SMARCA2: variants seen among roughly 807,000 people sequenced by gnomAD.
The protein encoded by SMARCA2 is SWI/SNF-related matrix-associated actin-dependent regulator of chromatin subfamily A member 2.
Under a neutral mutation model 199.8 loss-of-function variants are expected in SMARCA2, and 61 were observed. The observed-to-expected ratio is 0.31, with a 90% confidence interval of 0.25 to 0.38. The LOEUF (loss-of-function observed/expected upper bound fraction) is 0.38. Ranked by LOEUF, SMARCA2 falls within the 10% of genes least tolerant of loss-of-function variation. The pLI is 1.00. For synonymous variants in SMARCA2, 935 were observed against 732.0 expected (o/e 1.28, Z -4.48); for missense variants, 1,344 against 2,012.2 (o/e 0.67, Z 6.35).
At chr9:2,063,377 T>G (rs1305929440) in intron 9 of SMARCA2, among the ~76,000 whole-genome samples, 1 of 152,192 alleles carries the variant, frequency 6.6e-6, no homozygotes, top group Non-Finnish European at 1.5e-5. Flanking sequence ...CTTCCCTCCA[T>G]TGCAGTGAAT....
rs2129641411 is a variant in SMARCA2, at chr9:2,161,858, AGCAGATGAAC to A, written c.4157_4166del (p.Gln1386LeufsTer6). The A allele has an allele frequency of 6.2e-7, 1 of 1,614,134 alleles. No individual in the cohort carries two copies. Among genetic ancestry groups the A allele is most frequent in the Non-Finnish European group, 8.5e-7 (1 of 1,179,980 alleles). ...TCACCAAATCCCCCCAAACTGACAA[AGCAGATGAAC>A]GCTATCATCGATACTGTGATAAACT... On this transcript the variant is annotated frameshift_variant, in exon 28 of 34. Transcript: ENST00000349721. LOFTEE classifies it high-confidence loss of function. The surrounding 1 kb of genome is among the most constrained non-coding windows in gnomAD (Gnocchi z 4.7).
intron 12 of SMARCA2, 29 bp downstream of exon 12, chr9:2,073,652 T>C (rs985242990): frequency 6.4e-7 from 1 of 1,551,660 alleles, no homozygotes; most frequent in Admixed American, 1.7e-5. Context: ...TTGGGGTTTA[T>C]TGGTTTGAAA....
At chr9:2,041,329 A>G (rs181992210) in intron 4 of SMARCA2, 1 of 398,618 alleles carries the variant, frequency 2.5e-6, no homozygotes, top group Admixed American at 4.4e-5. Context: ...TATTTCTTAC[A>G]GCTCTGAATG....
intron 32 of SMARCA2, 124 bp downstream of exon 32, chr9:2,186,352 T>C (rs1827454216): frequency 9.6e-7 from 1 of 1,046,920 alleles, no homozygotes; most frequent in Non-Finnish European, 1.4e-6. Context: ...TTATTCCACT[T>C]TGTCCTTGCT....
intron 5 of SMARCA2, among the ~76,000 whole-genome samples, chr9:2,053,207 A>G (rs1378888032): frequency 2.0e-5 from 3 of 152,168 alleles, no homozygotes; most frequent in African/African-American, 7.2e-5. Context: ...CTGCCACTTA[A>G]AAGTGAGAAC....
chr9:2,047,347 C>G lies in SMARCA2; in HGVS notation c.909C>G (p.Pro303=). The G allele has an allele frequency of 2.1e-6, 3 of 1,426,116 alleles. No individual in the cohort carries two copies. Among genetic ancestry groups the G allele is most frequent in the African/African-American group, 3.0e-5 (2 of 66,312 alleles). The allele number at this position is 1,426,116 out of a possible 1,614,324, so 88.3% of individuals were successfully genotyped here. A position where few individuals can be genotyped will look rare whatever the true frequency, so the allele number is the denominator to read the frequency against. The change falls in exon 5 of 34, where the codon CCC becomes CCG. Residue 303 remains proline, a synonymous_variant. Transcript: ENST00000349721. ...CGCAGCCGCCCGCGGCCGCAGTGCC[C>G]GGGCCCTCAGTGCCGCAGCCGGCCC... ...AAAQPPAAAV[P]GPSVPQPAPG... is the part of the protein sequence containing the mutation.
intron 27 of SMARCA2, chr9:2,158,840 T>G: frequency 8.8e-7 from 1 of 1,134,800 alleles, no homozygotes; most frequent in Non-Finnish European, 1.2e-6. Flanking sequence ...GTGAATTGAT[T>G]TCCATTAGAA....
At chr9:2,185,720 TA>T (rs1184915334) in intron 31 of SMARCA2, among the ~76,000 whole-genome samples, 1 of 152,228 alleles carries the variant, frequency 6.6e-6, no homozygotes, top group Non-Finnish European at 1.5e-5. Flanking sequence ...CCCCACTTGC[TA>T]GGGGCACTGC....
intron 1 of SMARCA2, among the ~76,000 whole-genome samples, chr9:2,020,264 T>G (rs1473242819): frequency 6.6e-6 from 1 of 152,192 alleles, no homozygotes; most frequent in Admixed American, 6.5e-5. Context: ...ATTGTTTTTT[T>G]TTCCCCCTTA....
At chr9:2,063,091 C>G (rs1195759255) in intron 9 of SMARCA2, among the ~76,000 whole-genome samples, 1 of 152,128 alleles carries the variant, frequency 6.6e-6, no homozygotes, top group Non-Finnish European at 1.5e-5. Context: ...CTTGCATGCT[C>G]TTGGGTGCCT....
In SMARCA2 at chr9:2,104,498, A is replaced by C. The variant is rs754290018; in HGVS notation, c.3292+329A>C. ...TGTTACCTATGTGCCAAAGATATAG[A>C]ATACATTGACACACCTTTAACTTTT... On this transcript the variant is annotated intron_variant, in intron 23 of 33. Coordinates refer to ENST00000349721, the MANE Select transcript of SMARCA2 (RefSeq NM_003070.5). The surrounding 1 kb of genome is among the most constrained non-coding windows in gnomAD (Gnocchi z 4.0). 1.3e-5 allele frequency among the ~76,000 whole-genome samples: 2 copies of C among 152,226 alleles called. No individual in the cohort carries two copies. The highest frequency in any genetic ancestry group is 1.5e-5 in the Non-Finnish European group (1 of 68,034).
intron 29 of SMARCA2, among the ~76,000 whole-genome samples, chr9:2,176,188 T>TTTTTTTTTGTTTTTTTTTTTTG (rs1826586894): frequency 7.4e-6 from 1 of 135,562 alleles, no homozygotes; most frequent in African/African-American, 3.4e-5. Context: ...GCCTGTTTTT[T>TTTTTTTTTGTTTTTTTTTTTTG]TTTTTTTTTT....
chr9:2,176,711 C>G (rs1256649457), intron 29 of SMARCA2, among the ~76,000 whole-genome samples: 1 of 134,236 alleles, frequency 7.4e-6, no homozygotes, highest in East Asian at 2.2e-4. Flanking sequence ...TGCCACCACG[C>G]CTGGCTAAGT....
At position 2,110,512 on chromosome 9, in the gene SMARCA2, A is replaced by T; in HGVS notation, c.3456+95A>T. Reference sequence around the variant, plus strand: ...TTCACATTTACAGGACAGAGCAAATATCTAAACGAGTGGGCTGTTGCTTTC... The same window carrying T: ...TTCACATTTACAGGACAGAGCAAATTTCTAAACGAGTGGGCTGTTGCTTTC... On this transcript the variant is annotated intron_variant, in intron 24 of 33. Coordinates refer to ENST00000349721, the MANE Select transcript of SMARCA2 (RefSeq NM_003070.5). The surrounding 1 kb of genome is among the most constrained non-coding windows in gnomAD (Gnocchi z 4.8). The T allele has an allele frequency of 9.9e-7, 1 of 1,010,148 alleles. No homozygotes were observed. The highest frequency in any genetic ancestry group is 1.6e-5 in the African/African-American group (1 of 61,022). 62.6% of individuals were successfully genotyped at this position (1,010,148 alleles called of 1,614,324 possible).
intron 21 of SMARCA2, among the ~76,000 whole-genome samples, chr9:2,099,613 A>G (rs930127672): frequency 2.0e-5 from 3 of 152,198 alleles, no homozygotes; most frequent in Non-Finnish European, 4.4e-5. Flanking sequence ...GTAGAAAGGC[A>G]GACTCTGATT....
chr9:2,160,433 G>A, intron 27 of SMARCA2: 1 of 521,086 alleles, frequency 1.9e-6, no homozygotes, highest in African/African-American at 1.9e-5. Context: ...AAATCCCACT[G>A]GCATTTTTAA....
chr9:2,025,469 G>A (rs976749352), intron 1 of SMARCA2, among the ~76,000 whole-genome samples: 5 of 152,182 alleles, frequency 3.3e-5, no homozygotes, highest in African/African-American at 4.8e-5. Flanking sequence ...TAGATTTTGT[G>A]TGTTATTATG....
Position 2,017,699 on chromosome 9 carries a change from G to A in SMARCA2, c.-37+2295G>A, listed in dbSNP as rs911010841. 2.0e-5 allele frequency: 3 copies of A among 152,148 alleles called. No homozygotes were observed. The highest frequency in any genetic ancestry group is 4.4e-5 in the Non-Finnish European group (3 of 68,054). 9.4% of individuals were successfully genotyped at this position (152,148 alleles called of 1,614,324 possible). On this transcript the variant is annotated intron_variant, in intron 1 of 33. Transcript: ENST00000349721. The surrounding 1 kb of genome is among the most constrained non-coding windows in gnomAD (Gnocchi z 8.8). ...GGGGCCGGGCCGCGGGCTGTGGCGC[G>A]GGCCTAGAGCCGCGGCTCGGAGACC...
At chr9:2,145,205 A>G (rs1041929087) in intron 27 of SMARCA2, among the ~76,000 whole-genome samples, 2 of 151,460 alleles carry the variant, frequency 1.3e-5, no homozygotes, top group African/African-American at 4.8e-5. Flanking sequence ...TGGGAGGCTG[A>G]GGCAAGAGAA....
Sources: gnomAD v4.1 joint callset for allele counts (sites outside exome capture counted in the v4.1 genomes callset) on GRCh38, gnomAD v4.1.1 for gene constraint, Gnocchi (gnomAD v3.1) non-coding constraint, MANE v1.5 for transcripts, NCBI Gene and HGNC (gene_info 2026-07-23, HGNC 2026-07-21) for gene names.